PALD1: variants seen among roughly 807,000 people sequenced by gnomAD.
PALD1 encodes the protein phosphatase domain containing paladin 1.
In PALD1, 57 loss-of-function variants were observed where a neutral mutation model predicts 96.0. The ratio of observed to expected loss-of-function variants is 0.59; its 90% CI spans 0.48 to 0.74. The LOEUF is 0.74. Ranked by LOEUF, PALD1 falls within the 30% of genes least tolerant of loss-of-function variation. The pLI is 0.00. For missense variants in PALD1, 1,063 were observed against 1,143.7 expected (o/e 0.93, Z 1.02); for synonymous variants, 464 against 473.6 (o/e 0.98, Z 0.26).
Position 70,540,611 on chromosome 10 carries a change from AG to A in PALD1, c.1909-490del, listed in dbSNP as rs1185357774. 5.9e-5 allele frequency among the ~76,000 whole-genome samples: 9 copies of A among 152,136 alleles called. No individual in the cohort carries two copies. The highest frequency in any genetic ancestry group is 2.2e-4 in the African/African-American group (9 of 41,474). On this transcript the variant is annotated intron_variant, in intron 15 of 19. Coordinates refer to ENST00000263563, the MANE Select transcript of PALD1 (RefSeq NM_014431.3). The surrounding 1 kb of genome is among the most constrained non-coding windows in gnomAD (Gnocchi z 4.2). The stretch of plus-strand genomic sequence containing the variant: ...GCAATGGGGTCTGTTACCCTGCCTG[AG>A]CCCCTCCTGGCGCATCTCTTCGCGG...
rs573080442 is a variant in PALD1 at position 70,533,973 on chromosome 10, C to G, written c.922C>G (p.Leu308Val). Residue 308 changes from leucine (L) to valine (V), a missense_variant, in exon 8 of 20, where the codon CTC becomes GTC. Coordinates refer to ENST00000263563, the MANE Select transcript of PALD1 (RefSeq NM_014431.3). ...TGATGCCCACGGGCCTCCCCCAGCCCTCGTCTTCAGCTGCCAGATGGGCGT... is the reference window on the plus strand; with the variant it reads ...TGATGCCCACGGGCCTCCCCCAGCCGTCGTCTTCAGCTGCCAGATGGGCGT... Reference protein sequence around the residue: ...LRDAHGPPPALVFSCQMGVGR... With the variant: ...LRDAHGPPPAVVFSCQMGVGR... 1.2e-6 allele frequency: 2 copies of G among 1,613,398 alleles called. No homozygotes were observed. Among genetic ancestry groups the G allele is most frequent in the Admixed American group, 1.7e-5 (1 of 59,960 alleles).
At chr10:70,460,667 G>GT in the PALD1 span, among the ~76,000 whole-genome samples, 1 of 152,050 alleles carries the variant, frequency 6.6e-6, no homozygotes, top group Non-Finnish European at 1.5e-5. Flanking sequence ...CCTCCACCCT[G>GT]GCCCCCCAGA....
the PALD1 span, among the ~76,000 whole-genome samples, chr10:70,463,559 T>A: frequency 6.6e-6 from 1 of 152,128 alleles, no homozygotes; most frequent in Non-Finnish European, 1.5e-5. Flanking sequence ...GTACCCACTG[T>A]GTGCCAGACA....
chr10:70,543,007 A>C (rs1847283416), intron 17 of PALD1, among the ~76,000 whole-genome samples: 1 of 150,426 alleles, frequency 6.6e-6, no homozygotes, highest in Non-Finnish European at 1.5e-5. Flanking sequence ...TCCTGACCTC[A>C]GATGATCCAC....
chr10:70,493,089 C>G (rs1846126304), intron 1 of PALD1, among the ~76,000 whole-genome samples: 1 of 152,186 alleles, frequency 6.6e-6, no homozygotes, highest in African/African-American at 2.4e-5. Flanking sequence ...GCCCCCCTAC[C>G]TTGGCTCATT....
chr10:70,510,241 T>G (rs930812979), intron 1 of PALD1, among the ~76,000 whole-genome samples: 1 of 151,826 alleles, frequency 6.6e-6, no homozygotes, highest in East Asian at 1.9e-4. Flanking sequence ...GAAATGATGC[T>G]TTAGGTACCT....
chr10:70,558,662 G>A (rs1220605242), intron 18 of PALD1, among the ~76,000 whole-genome samples: 1 of 151,338 alleles, frequency 6.6e-6, no homozygotes, highest in Non-Finnish European at 1.5e-5. Flanking sequence ...GTATTACACG[G>A]GGAGTAAGAA....
chr10:70,513,538 T>C (rs1194601604), intron 1 of PALD1, among the ~76,000 whole-genome samples: 2 of 152,092 alleles, frequency 1.3e-5, no homozygotes, highest in Non-Finnish European at 2.9e-5. Context: ...AAGAGTGCAG[T>C]AAGTAAACTC....
intron 8 of PALD1, 138 bp from the exon 9 acceptor site, chr10:70,534,287 C>G (rs1489546878): frequency 1.3e-6 from 1 of 749,944 alleles, no homozygotes; most frequent in Non-Finnish European, 2.2e-6. Flanking sequence ...GGGGAAATGT[C>G]CCCTGCTTCC....
At chr10:70,461,188 C>T in the PALD1 span, among the ~76,000 whole-genome samples, 4 of 152,248 alleles carry the variant, frequency 2.6e-5, no homozygotes, top group Admixed American at 1.3e-4. Flanking sequence ...CATTGCAGGG[C>T]CTTTGCCCCT....
the PALD1 span, among the ~76,000 whole-genome samples, chr10:70,460,391 C>T: frequency 2.6e-5 from 4 of 152,294 alleles, no homozygotes; most frequent in Non-Finnish European, 4.4e-5. Context: ...CCGTGCGTCT[C>T]CCGTGGGCTC....
chr10:70,498,228 G>A (rs1338097476), intron 1 of PALD1, among the ~76,000 whole-genome samples: 5 of 152,138 alleles, frequency 3.3e-5, no homozygotes, highest in South Asian at 2.1e-4. Flanking sequence ...AGGTTCATCC[G>A]TATTGTAGCA....
At chr10:70,505,527 C>T (rs1437692182) in intron 1 of PALD1, among the ~76,000 whole-genome samples, 1 of 151,020 alleles carries the variant, frequency 6.6e-6, no homozygotes, top group Non-Finnish European at 1.5e-5. Context: ...TCGCTTCAAC[C>T]CGGGAGGCGG....
At chr10:70,546,063 C>G (rs1035907077) in intron 17 of PALD1, among the ~76,000 whole-genome samples, 9 of 148,444 alleles carry the variant, frequency 6.1e-5, no homozygotes, top group Admixed American at 2.7e-4. Flanking sequence ...ATGGTGAAAC[C>G]CTGTCTCTAC....
At chr10:70,553,476 G>C (rs934086883) in intron 18 of PALD1, among the ~76,000 whole-genome samples, 3 of 152,212 alleles carry the variant, frequency 2.0e-5, no homozygotes, top group African/African-American at 7.2e-5. Flanking sequence ...GGAGTCACTA[G>C]AGACCCAGTG....
chr10:70,547,432 T>C lies in PALD1; in HGVS notation c.2248T>C (p.Cys750Arg). The change falls in exon 18 of 20, where the codon TGC (cysteine) becomes CGC (arginine). Residue 750 changes from cysteine to arginine, a missense_variant. Cys to Arg is a radical substitution (Grantham distance 180). Transcript: ENST00000263563. ...CTACCACCTGCGGGAGATCATCATCTGCACCTACCGCCAGGTGAGCCCCCA... is the reference window on the plus strand; with the variant it reads ...CTACCACCTGCGGGAGATCATCATCCGCACCTACCGCCAGGTGAGCCCCCA... The part of the protein sequence containing the change: ...MHYHLREIII[C>R]TYRQAKAAKE... 6.2e-7 allele frequency: 1 copy of C among 1,609,256 alleles called. No homozygotes were observed. The highest frequency in any genetic ancestry group is 8.5e-7 in the Non-Finnish European group (1 of 1,178,374).
chr10:70,479,321 C>G lies in PALD1; in HGVS notation c.-30+262C>G, dbSNP rs530775861. Among the ~76,000 whole-genome samples the G allele has an allele frequency of 2.6e-5, 4 of 152,328 alleles. No individual in the cohort carries two copies. The East Asian group carries it at 5.8e-4, about 22-fold the overall frequency. The stretch of plus-strand genomic sequence containing the variant: ...TCCCTGGGTTTGGTGTAGGCATGGC[C>G]TGGTGACAATTCCACTTTTCATTGC... On this transcript the variant is annotated intron_variant, in intron 1 of 19. Transcript: ENST00000263563.
chr10:70,551,952 C>G (rs918571865), intron 18 of PALD1, among the ~76,000 whole-genome samples: 1 of 152,192 alleles, frequency 6.6e-6, no homozygotes, highest in African/African-American at 2.4e-5. Flanking sequence ...TTACTTTTGC[C>G]CGTTTCCTTC....
At chr10:70,565,670 C>T (rs749596752) in intron 19 of PALD1, among the ~76,000 whole-genome samples, 10 of 152,242 alleles carry the variant, frequency 6.6e-5, no homozygotes, top group Non-Finnish European at 1.2e-4. Flanking sequence ...GAAATGCCCC[C>T]GGTGCATGTG....
Sources: allele counts gnomAD v4.1 joint callset (sites outside exome capture counted in the v4.1 genomes callset), GRCh38; gene constraint gnomAD v4.1.1; non-coding constraint Gnocchi (gnomAD v3.1); transcripts MANE v1.5; gene names NCBI Gene and HGNC (gene_info 2026-07-23, HGNC 2026-07-21).